The following POLR1F variants were observed in gnomAD, a reference collection of about 807,000 sequenced individuals.
POLR1F encodes the protein DNA-directed RNA polymerase I subunit RPA43.
In POLR1F, 23 loss-of-function variants were observed where a neutral mutation model predicts 21.8. That is an observed-to-expected ratio of 1.05 (90% CI 0.76 to 1.49). POLR1F has a LOEUF of 1.49. Among genes scored for constraint, POLR1F ranks in the 40% most tolerant of loss-of-function variants. The pLI is 0.00. For missense variants in POLR1F, 435 were observed against 412.1 expected, an observed-to-expected ratio of 1.06 and a Z score of -0.48; for synonymous variants, 162 against 152.8, an observed-to-expected ratio of 1.06 and a Z score of -0.45.
Position 19,708,754 on chromosome 7 carries a change from G to A in POLR1F, c.254+9C>T. 6.2e-7 allele frequency: 1 copy of A among 1,601,642 alleles called. No individual in the cohort carries two copies. Among genetic ancestry groups the A allele is most frequent in the South Asian group, 1.1e-5 (1 of 90,786 alleles). On this transcript the variant is annotated intron_variant, in intron 1 of 3. Coordinates refer to ENST00000222567, the MANE Select transcript of POLR1F (RefSeq NM_001002926.2). ...GCACAAAAGAAGGAACAGGCAAAGA[G>A]ATCGGTACCTCTCAGAATAGCGAAG...
rs1454342218 is a variant in POLR1F, at chr7:19,697,236, AT to A, written c.*1079del. The A allele has an allele frequency of 6.6e-6, 1 of 152,026 alleles. No individual in the cohort carries two copies. 9.4% of individuals were successfully genotyped at this position (152,026 alleles called of 1,614,324 possible). A position where few individuals can be genotyped will look rare whatever the true frequency, so the allele number is the denominator to read the frequency against. On this transcript the variant is annotated 3_prime_UTR_variant, in exon 4 of 4. Transcript: ENST00000222567. ...AATACAATTATTAATTTTCTTATTTATTGTGTGTATATGCACATCTGTTTCT... is the reference window on the plus strand; with the variant it reads ...AATACAATTATTAATTTTCTTATTTATGTGTGTATATGCACATCTGTTTCT...
At chr7:19,702,271 G>A (rs1783455752) in intron 2 of POLR1F, among the ~76,000 whole-genome samples, 1 of 152,118 alleles carries the variant, frequency 6.6e-6, no homozygotes, top group Non-Finnish European at 1.5e-5. Context: ...CAATTTTTCT[G>A]TAAACCTAAA....
At chr7:19,708,688 T>A (rs1783571758) in intron 1 of POLR1F, 75 bp downstream of exon 1, 4 of 1,549,472 alleles carry the variant, frequency 2.6e-6, no homozygotes, top group African/African-American at 1.4e-5. Flanking sequence ...TTTGCCCCTT[T>A]CTGCTGCGTC....
At position 19,709,019 on chromosome 7, in the gene POLR1F, T is replaced by G. The variant is rs557398526; in HGVS notation, c.-3A>C. ...GCCTCTGAGCAACCTGCAGCCATGC[T>G]GCTTGTCAAGGTTCCCACGGCGCGC... On this transcript the variant is annotated 5_prime_UTR_variant, in exon 1 of 4. Coordinates refer to ENST00000222567, the MANE Select transcript of POLR1F (RefSeq NM_001002926.2). The G allele has an allele frequency of 3.8e-6, 6 of 1,570,126 alleles. No homozygotes were observed. In the South Asian group the frequency reaches 6.7e-5, roughly 17 times the overall value.
chr7:19,700,285 G>C lies in POLR1F; in HGVS notation c.397-5C>G, dbSNP rs554776089. 6.2e-7 allele frequency: 1 copy of C among 1,608,460 alleles called. No homozygotes were observed. Among genetic ancestry groups the C allele is most frequent in the African/African-American group, 1.3e-5 (1 of 74,864 alleles). Reference sequence around the variant, plus strand: ...AGACACTTTATTAACTATACCCTGGGAAGAAGAAGGAAGAAAGAGCGTAAC... The same window carrying C: ...AGACACTTTATTAACTATACCCTGGCAAGAAGAAGGAAGAAAGAGCGTAAC... On this transcript the variant is annotated splice_region_variant and splice_polypyrimidine_tract_variant and intron_variant, in intron 2 of 3. Transcript: ENST00000222567.
At chr7:19,706,617 T>C (rs922329413) in intron 1 of POLR1F, among the ~76,000 whole-genome samples, 1 of 152,236 alleles carries the variant, frequency 6.6e-6, no homozygotes, top group Non-Finnish European at 1.5e-5. Context: ...TATTTACAAA[T>C]AGCTAGGCAC....
intron 1 of POLR1F, among the ~76,000 whole-genome samples, chr7:19,706,350 C>T (rs1232048276): frequency 3.3e-5 from 5 of 152,180 alleles, no homozygotes; most frequent in African/African-American, 1.2e-4. Flanking sequence ...AACTGCCATA[C>T]TAGACAGAAA....
rs565821292 is a variant in POLR1F, at chr7:19,695,597, A to C, written c.*2719T>G. 2 of 152,176 alleles carry C rather than the reference A, an allele frequency of 1.3e-5. No individual in the cohort carries two copies. The highest frequency in any genetic ancestry group is 4.8e-5 in the African/African-American group (2 of 41,464). The allele number at this position is 152,176 out of a possible 1,614,324, so 9.4% of individuals were successfully genotyped here. ...AGCCCTCAGGAAACTTATTTGGTCA[A>C]GACAAATTTGATTAAGAGACAAGCT... On this transcript the variant is annotated 3_prime_UTR_variant, in exon 4 of 4. Transcript: ENST00000222567.
At chr7:19,708,574 G>C (rs1042232540) in intron 1 of POLR1F, among the ~76,000 whole-genome samples, 189 bp downstream of exon 1, 4 of 152,076 alleles carry the variant, frequency 2.6e-5, no homozygotes, top group African/African-American at 9.7e-5. Context: ...CTATGAAAGG[G>C]ACCCTGTATA....
chr7:19,695,995 T>C lies in POLR1F; in HGVS notation c.*2321A>G, dbSNP rs1262698510. On this transcript the variant is annotated 3_prime_UTR_variant, in exon 4 of 4. Coordinates refer to ENST00000222567, the MANE Select transcript of POLR1F (RefSeq NM_001002926.2). Reference sequence around the variant, plus strand: ...AGAAACTGCTTAAAAGTCATTTCTGTATCACTGGTGACTAGTGAGGTGTCT... The same window carrying C: ...AGAAACTGCTTAAAAGTCATTTCTGCATCACTGGTGACTAGTGAGGTGTCT... The C allele has an allele frequency of 6.6e-6, 1 of 152,188 alleles. No individual in the cohort carries two copies. The highest frequency in any genetic ancestry group is 1.5e-5 in the Non-Finnish European group (1 of 67,986). 9.4% of individuals were successfully genotyped at this position (152,188 alleles called of 1,614,324 possible).
chr7:19,708,934 C>T lies in POLR1F; in HGVS notation c.83G>A (p.Cys28Tyr), dbSNP rs755074923. The T allele has an allele frequency of 1.9e-6, 3 of 1,613,304 alleles. No individual in the cohort carries two copies. The highest frequency in any genetic ancestry group is 1.3e-5 in the African/African-American group (1 of 74,934). Residue 28 changes from cysteine (C) to tyrosine (Y), a missense_variant, in exon 1 of 4, where the codon TGC (cysteine) becomes TAC (tyrosine). Cys to Tyr is a radical substitution (Grantham distance 194). Coordinates refer to ENST00000222567, the MANE Select transcript of POLR1F (RefSeq NM_001002926.2). The stretch of plus-strand genomic sequence containing the variant: ...AGCGGCATAAGTCGGCAACTCTAGG[C>T]AAGGCAGGACGCCAGCCTGCCCTAC... ...SLVGQAGVLP[C>Y]LELPTYAAAC...
chr7:19,702,405 T>A (rs552582248), intron 2 of POLR1F, among the ~76,000 whole-genome samples: 1 of 152,244 alleles, frequency 6.6e-6, no homozygotes, highest in South Asian at 2.1e-4. Context: ...TACCTCACAC[T>A]ACACACAAAA....
chr7:19,698,832 C>G (rs927860439), intron 3 of POLR1F, 105 bp from the exon 4 acceptor site: 17 of 919,916 alleles, frequency 1.8e-5, no homozygotes, highest in Non-Finnish European at 2.3e-5. Flanking sequence ...AATAATGACT[C>G]CAGTACAAGA....
chr7:19,702,198 T>C (rs1448821147), intron 2 of POLR1F, among the ~76,000 whole-genome samples: 1 of 152,176 alleles, frequency 6.6e-6, no homozygotes, highest in Non-Finnish European at 1.5e-5. Context: ...ACCATACTAA[T>C]GCAAGTTAAT....
chr7:19,698,242 A>G lies in POLR1F; in HGVS notation c.*74T>C, dbSNP rs561718812. The G allele has an allele frequency of 3.7e-6, 5 of 1,365,756 alleles. No homozygotes were observed. The highest frequency in any genetic ancestry group is 1.9e-5 in the South Asian group (1 of 52,964). 84.6% of individuals were successfully genotyped at this position (1,365,756 alleles called of 1,614,324 possible). On this transcript the variant is annotated 3_prime_UTR_variant, in exon 4 of 4. Transcript: ENST00000222567. ...AACTACTGGCATACTTAACCTTTTC[A>G]TATCACTGAAAACATTTATTCATCT...
chr7:19,700,313 A>G, intron 2 of POLR1F, 33 bp from the exon 3 acceptor site: 3 of 1,543,694 alleles, frequency 1.9e-6, no homozygotes, highest in Non-Finnish European at 8.9e-7. Context: ...AGCGTAACAT[A>G]AAGAACACAT....
chr7:19,704,712 T>C, intron 2 of POLR1F, 67 bp downstream of exon 2: 3 of 1,423,680 alleles, frequency 2.1e-6, no homozygotes, highest in Non-Finnish European at 2.8e-6. Flanking sequence ...TATTATCTCT[T>C]AAAATGTTCC....
intron 2 of POLR1F, among the ~76,000 whole-genome samples, chr7:19,703,073 T>G (rs139628034): frequency 1.4e-4 from 21 of 152,274 alleles, no homozygotes; most frequent in African/African-American, 4.1e-4. Flanking sequence ...CTGGAATCAA[T>G]CCATCAATGA....
intron 3 of POLR1F, among the ~76,000 whole-genome samples, chr7:19,699,400 T>C (rs1024151363): frequency 3.3e-5 from 5 of 152,158 alleles, no homozygotes; most frequent in African/African-American, 9.7e-5. Flanking sequence ...TCAGACTTAG[T>C]CATATTTCAA....
Sources: allele counts gnomAD v4.1 joint callset (sites outside exome capture counted in the v4.1 genomes callset), GRCh38; gene constraint gnomAD v4.1.1; transcripts MANE v1.5; gene names NCBI Gene and HGNC (gene_info 2026-07-23, HGNC 2026-07-21).